The following JAZF1 variants were observed in gnomAD, a reference collection of about 807,000 sequenced individuals.
The protein encoded by JAZF1 is juxtaposed with another zinc finger protein 1.
A neutral mutation model predicts 26.4 loss-of-function variants in JAZF1; 8 were observed. That is an observed-to-expected ratio of 0.30 (90% CI 0.18 to 0.55). The LOEUF (loss-of-function observed/expected upper bound fraction) is 0.55, where lower values mean the gene tolerates loss of function less well. Among genes scored for constraint, JAZF1 ranks in the 20% least tolerant of loss-of-function variants. The probability of loss-of-function intolerance (pLI) is 0.94; values close to 1 mark genes in which losing one functional copy is unlikely to be tolerated. For synonymous variants in JAZF1, 126 were observed against 122.3 expected (o/e 1.03, Z -0.20); for missense variants, 199 against 322.0 (o/e 0.62, Z 2.92).
At chr7:27,969,646 T>A (rs986962296) in intron 2 of JAZF1, among the ~76,000 whole-genome samples, 2 of 152,122 alleles carry the variant, frequency 1.3e-5, no homozygotes, top group Non-Finnish European at 2.9e-5. Flanking sequence ...AGCAAGGGGA[T>A]TTATCTGCAA....
chr7:28,100,117 A>G (rs779096210), intron 1 of JAZF1, among the ~76,000 whole-genome samples: 16 of 152,266 alleles, frequency 1.1e-4, no homozygotes, highest in Admixed American at 2.0e-4. Context: ...CCACACTCCC[A>G]AATTTATTAG....
chr7:27,862,649 CT>C (rs1433433641), intron 3 of JAZF1, among the ~76,000 whole-genome samples: 1 of 152,210 alleles, frequency 6.6e-6, no homozygotes, highest in Non-Finnish European at 1.5e-5. Flanking sequence ...TGAGCTCACC[CT>C]TTTCAGCTTA....
intron 2 of JAZF1, among the ~76,000 whole-genome samples, chr7:27,977,310 T>A (rs922379908): frequency 9.9e-5 from 15 of 152,226 alleles, no homozygotes; most frequent in African/African-American, 3.6e-4. Context: ...TTTATTAGAA[T>A]ACATCTCTTA....
chr7:27,958,870 G>A (rs1785143475), intron 2 of JAZF1, among the ~76,000 whole-genome samples: 1 of 152,172 alleles, frequency 6.6e-6, no homozygotes, highest in Non-Finnish European at 1.5e-5. Context: ...GAGACAAGCA[G>A]GGAAGGAGCT....
intron 1 of JAZF1, chr7:28,020,491 C>T: frequency 9.0e-6 from 4 of 446,040 alleles, no homozygotes; most frequent in Non-Finnish European, 1.9e-5. Context: ...GAGTTGAAGC[C>T]TATGACCCCT....
chr7:28,029,028 T>A (rs1783141527), intron 1 of JAZF1, among the ~76,000 whole-genome samples: 1 of 151,982 alleles, frequency 6.6e-6, no homozygotes, highest in Admixed American at 6.6e-5. Context: ...ATAATATACC[T>A]AACTTAAAGC....
chr7:28,123,516 C>T (rs1301349020), intron 1 of JAZF1, among the ~76,000 whole-genome samples: 1 of 152,238 alleles, frequency 6.6e-6, no homozygotes, highest in African/African-American at 2.4e-5. Flanking sequence ...CACAGTAGCA[C>T]ATAGTAGGCA....
At chr7:27,964,009 T>C (rs1362113254) in intron 2 of JAZF1, among the ~76,000 whole-genome samples, 2 of 152,244 alleles carry the variant, frequency 1.3e-5, no homozygotes, top group Non-Finnish European at 2.9e-5. Context: ...ACCCATAATA[T>C]AGTGATGGCA....
chr7:28,077,088 C>G (rs1411988007), intron 1 of JAZF1, among the ~76,000 whole-genome samples: 1 of 152,112 alleles, frequency 6.6e-6, no homozygotes, highest in Non-Finnish European at 1.5e-5. Flanking sequence ...CTAAACACAA[C>G]AACGACACTT....
At chr7:27,931,299 T>A (rs1288289245) in intron 2 of JAZF1, among the ~76,000 whole-genome samples, 1 of 152,082 alleles carries the variant, frequency 6.6e-6, no homozygotes, top group East Asian at 1.9e-4. Context: ...CAAAAACAGG[T>A]GGAGGGCCAG....
At chr7:28,168,907 G>T (rs1783411460) in intron 1 of JAZF1, among the ~76,000 whole-genome samples, 1 of 152,184 alleles carries the variant, frequency 6.6e-6, no homozygotes. Context: ...ACTCTGAAGG[G>T]CTAAGAACAC....
At chr7:28,166,387 A>G (rs1354447715) in intron 1 of JAZF1, among the ~76,000 whole-genome samples, 1 of 152,204 alleles carries the variant, frequency 6.6e-6, no homozygotes, top group Non-Finnish European at 1.5e-5. Flanking sequence ...AGTCTGTAAC[A>G]TTTCAAGGAC....
At chr7:27,930,540 C>T (rs1439809138) in intron 2 of JAZF1, among the ~76,000 whole-genome samples, 1 of 152,134 alleles carries the variant, frequency 6.6e-6, no homozygotes, top group African/African-American at 2.4e-5. Context: ...AAAACAGGCA[C>T]ATTTACAGCA....
At chr7:28,137,879 T>C (rs1375254491) in intron 1 of JAZF1, among the ~76,000 whole-genome samples, 1 of 152,210 alleles carries the variant, frequency 6.6e-6, no homozygotes, top group African/African-American at 2.4e-5. Flanking sequence ...TCAATTGTCA[T>C]GACAATCCTA....
intron 1 of JAZF1, among the ~76,000 whole-genome samples, chr7:28,037,241 G>A (rs1470225329): frequency 1.3e-5 from 2 of 151,870 alleles, no homozygotes; most frequent in African/African-American, 4.8e-5. Flanking sequence ...AGAAGCAGAG[G>A]AATTTAAAGA....
At chr7:28,177,754 G>C (rs1783570302) in intron 1 of JAZF1, among the ~76,000 whole-genome samples, 1 of 152,136 alleles carries the variant, frequency 6.6e-6, no homozygotes, top group African/African-American at 2.4e-5. Context: ...CTTATAGATT[G>C]AATCAAAAAC....
rs566946022 is a variant in JAZF1 at position 27,990,290 on chromosome 7, G to T, written c.188+1619C>A. ...CACACACCAGAGCCTGTCGCGAGGT[G>T]GGGGGAGGTGAGAGGGATAGCATTA... On this transcript the variant is annotated intron_variant, in intron 2 of 4. Transcript: ENST00000283928. Among the ~76,000 whole-genome samples, 22 of 152,250 alleles carry T rather than the reference G, an allele frequency of 1.4e-4. No individual in the cohort carries two copies. The East Asian group carries it at 1.5e-3, about 11-fold the overall frequency.
At chr7:28,095,548 G>A (rs578229243) in intron 1 of JAZF1, among the ~76,000 whole-genome samples, 63 of 152,162 alleles carry the variant, frequency 4.1e-4, no homozygotes, top group Non-Finnish European at 3.8e-4. Flanking sequence ...TGACACGTGG[G>A]GATTATGGGG....
intron 2 of JAZF1, among the ~76,000 whole-genome samples, chr7:27,919,118 G>C (rs1177805641): frequency 6.6e-6 from 1 of 152,082 alleles, no homozygotes. Context: ...CCTAGTAATG[G>C]GCAACTTTAA....
Sources: gnomAD v4.1 joint callset for allele counts (sites outside exome capture counted in the v4.1 genomes callset) on GRCh38, gnomAD v4.1.1 for gene constraint, MANE v1.5 for transcripts, NCBI Gene and HGNC (gene_info 2026-07-23, HGNC 2026-07-21) for gene names.